ADCY9: variants seen among roughly 807,000 people sequenced by gnomAD.
ADCY9 encodes the protein adenylate cyclase 9.
A neutral mutation model predicts 101.5 loss-of-function variants in ADCY9; 50 were observed. The observed-to-expected ratio is 0.49, with a 90% CI of 0.39 to 0.62. ADCY9 has a LOEUF of 0.62. ADCY9 is among the 20% of genes least tolerant of loss of function. The pLI, the probability that ADCY9 is intolerant of heterozygous loss-of-function variation, is 0.00. For missense variants in ADCY9, 1,662 were observed against 1,800.4 expected (o/e 0.92, Z 1.39); for synonymous variants, 905 against 769.3 (o/e 1.18, Z -2.92).
Position 4,115,614 on chromosome 16 carries a change from G to A in ADCY9, c.-44+76C>T. On this transcript the variant is annotated intron_variant, in intron 1 of 10. Coordinates refer to ENST00000294016, the MANE Select transcript of ADCY9 (RefSeq NM_001116.4). The surrounding 1 kb of genome is among the most constrained non-coding windows in gnomAD (Gnocchi z 6.2). Reference sequence around the variant, plus strand: ...TGGACAGGCACCATCTGTTCCTGTGGTTCCCGGCTCAGCGGTGCTCCCACC... The same window carrying A: ...TGGACAGGCACCATCTGTTCCTGTGATTCCCGGCTCAGCGGTGCTCCCACC... 2 of 792,302 alleles carry A rather than the reference G, an allele frequency of 2.5e-6. No homozygotes were observed. The highest frequency in any genetic ancestry group is 2.0e-5 in the South Asian group (1 of 49,954). The allele number at this position is 792,302 out of a possible 1,614,324, so 49.1% of individuals were successfully genotyped here.
intron 2 of ADCY9, among the ~76,000 whole-genome samples, chr16:4,044,395 G>A (rs1001909088): frequency 2.0e-5 from 3 of 151,816 alleles, no homozygotes; most frequent in Non-Finnish European, 2.9e-5. Context: ...TAAAACACTA[G>A]GTTTATGAAG....
chr16:4,050,713 C>CAAAAAAAA (rs5815192), intron 2 of ADCY9, among the ~76,000 whole-genome samples: 2 of 69,658 alleles, frequency 2.9e-5, no homozygotes, highest in Non-Finnish European at 5.1e-5. Context: ...AACTCCGTCT[C>CAAAAAAAA]AAAAAAAAAA....
In ADCY9 at chr16:4,114,436, G is replaced by A. The variant is rs2057134204; in HGVS notation, c.1007C>T (p.Ser336Phe). The change falls in exon 2 of 11, where the codon TCC (serine) becomes TTC (phenylalanine). Residue 336 changes from serine (S) to phenylalanine (F), a missense_variant. Ser to Phe is a radical substitution (Grantham distance 155). Coordinates refer to ENST00000294016, the MANE Select transcript of ADCY9 (RefSeq NM_001116.4). This position sits in a 1 kb window ranked among gnomAD's most constrained non-coding sequence, Gnocchi z 4.3. ...EKALKERMIH[S>F]VMPRIIADDL... ...ATCGGCTATGATTCTTGGCATCACGGAATGAATCATCCTCTCTTTGAGGGC... is the reference window on the plus strand; with the variant it reads ...ATCGGCTATGATTCTTGGCATCACGAAATGAATCATCCTCTCTTTGAGGGC... 1.2e-6 allele frequency: 2 copies of A among 1,614,018 alleles called. No individual in the cohort carries two copies. The highest frequency in any genetic ancestry group is 1.7e-6 in the Non-Finnish European group (2 of 1,180,048).
At chr16:4,053,643 T>G (rs192137288) in intron 2 of ADCY9, among the ~76,000 whole-genome samples, 4 of 150,718 alleles carry the variant, frequency 2.7e-5, no homozygotes, top group African/African-American at 9.8e-5. Context: ...ATAACATTTT[T>G]AAAAAACTGC....
intron 2 of ADCY9, among the ~76,000 whole-genome samples, chr16:4,109,333 G>A (rs1026890801): frequency 6.6e-6 from 1 of 152,114 alleles, no homozygotes; most frequent in Non-Finnish European, 1.5e-5. Context: ...GGGCTCCAGC[G>A]ATCCTCCTAT....
At chr16:4,060,190 G>T (rs1187093613) in intron 2 of ADCY9, among the ~76,000 whole-genome samples, 2 of 152,236 alleles carry the variant, frequency 1.3e-5, no homozygotes, top group African/African-American at 4.8e-5. Context: ...AGCCTGCAAT[G>T]CCGGTTGTGG....
chr16:3,994,997 AC>A (rs1183278760), intron 3 of ADCY9, among the ~76,000 whole-genome samples: 4 of 152,188 alleles, frequency 2.6e-5, no homozygotes, highest in African/African-American at 9.7e-5. Flanking sequence ...TAATACAGGT[AC>A]CCTAAAAAGA....
chr16:4,054,824 C>T (rs1290852859), intron 2 of ADCY9, among the ~76,000 whole-genome samples: 1 of 152,134 alleles, frequency 6.6e-6, no homozygotes, highest in Non-Finnish European at 1.5e-5. Flanking sequence ...GCCTCGACCT[C>T]CCAAAGTGCT....
intron 6 of ADCY9, 91 bp from the exon 7 acceptor site, chr16:3,983,531 G>A (rs745865593): frequency 4.5e-6 from 5 of 1,109,618 alleles, no homozygotes; most frequent in African/African-American, 3.1e-5. Flanking sequence ...CACGTGCGGA[G>A]CACTGCTGCT....
intron 9 of ADCY9, 103 bp downstream of exon 9, chr16:3,977,379 T>C: frequency 2.1e-6 from 3 of 1,421,492 alleles, no homozygotes; most frequent in Non-Finnish European, 1.9e-6. Context: ...GAAATATCTC[T>C]ATCGGGGCGT....
chr16:4,032,535 G>A (rs1315748212), intron 2 of ADCY9, among the ~76,000 whole-genome samples: 5 of 147,720 alleles, frequency 3.4e-5, no homozygotes. Flanking sequence ...TTGAGATGGA[G>A]TTTTGCTCTT....
chr16:4,096,802 G>C (rs892646095), intron 2 of ADCY9, among the ~76,000 whole-genome samples: 1 of 152,016 alleles, frequency 6.6e-6, no homozygotes, highest in Non-Finnish European at 1.5e-5. Flanking sequence ...CTCCAGGCTA[G>C]AGTGTTAGAA....
intron 5 of ADCY9, among the ~76,000 whole-genome samples, chr16:3,989,328 A>T (rs1433612349): frequency 6.6e-6 from 1 of 151,420 alleles, no homozygotes; most frequent in Non-Finnish European, 1.5e-5. Flanking sequence ...TCGTTAAAGA[A>T]TGACCATCCA....
chr16:3,983,427 G>A lies in ADCY9; in HGVS notation c.2324C>T (p.Ser775Phe), dbSNP rs1367661195. 6.2e-7 allele frequency: 1 copy of A among 1,604,832 alleles called. No homozygotes were observed. The highest frequency in any genetic ancestry group is 2.2e-5 in the East Asian group (1 of 44,530). Residue 775 changes from serine (S) to phenylalanine (F), a missense_variant, in exon 7 of 11, where the codon TCC (serine) becomes TTC (phenylalanine). Around this residue, in one of 5 missense-constraint regions of ADCY9, gnomAD observed 624 missense variants for 639.1 expected, o/e 0.98. Transcript: ENST00000294016. ...GGGACTAGCAAACGTCTTCACGGGG[G>A]AGTTCTTTATGACCTGTGTGGAGCA... Reference protein sequence around the residue: ...TSYQEEVIKNSPVKTFASPTF... With the variant: ...TSYQEEVIKNFPVKTFASPTF...
At chr16:3,954,361 T>C (rs1218709242) in intron 5 of ADCY9, among the ~76,000 whole-genome samples, 3 of 152,188 alleles carry the variant, frequency 2.0e-5, no homozygotes, top group Non-Finnish European at 4.4e-5. Context: ...GGTGGGGCTC[T>C]CTGGGCCCCA....
Position 3,966,148 on chromosome 16 carries a change from T to G in ADCY9, c.3689A>C (p.Asn1230Thr). ...CTTCATCTGGCCTTTCCCCTTGACA[T>G]TCACGGTCCCTCTGTAGTCGAAGTC... Reference protein sequence around the residue: ...GYDFDYRGTVNVKGKGQMKTY... With the variant: ...GYDFDYRGTVTVKGKGQMKTY... The change falls in exon 11 of 11, where the codon AAT (asparagine) becomes ACT (threonine). Residue 1230 changes from asparagine (N) to threonine (T), a missense_variant. By Grantham distance (65) the Asn-to-Thr change is moderately conservative (BLOSUM62 0). Coordinates refer to ENST00000294016, the MANE Select transcript of ADCY9 (RefSeq NM_001116.4). 1 of 1,614,222 alleles carries G rather than the reference T, an allele frequency of 6.2e-7. No individual in the cohort carries two copies. Among genetic ancestry groups the G allele is most frequent in the Non-Finnish European group, 8.5e-7 (1 of 1,180,042 alleles).
At chr16:4,029,876 T>C (rs563457873) in intron 2 of ADCY9, among the ~76,000 whole-genome samples, 4 of 152,152 alleles carry the variant, frequency 2.6e-5, no homozygotes, top group African/African-American at 9.6e-5. Context: ...AGCAGACATA[T>C]GAAAAGACAC....
intron 2 of ADCY9, among the ~76,000 whole-genome samples, chr16:4,024,423 C>A (rs946182717): frequency 6.6e-6 from 1 of 152,176 alleles, no homozygotes; most frequent in African/African-American, 2.4e-5. Context: ...CTTCTCCTAA[C>A]GTGAATGTCT....
intron 2 of ADCY9, among the ~76,000 whole-genome samples, chr16:4,042,858 A>AT (rs2056636616): frequency 6.6e-6 from 1 of 152,204 alleles, no homozygotes; most frequent in African/African-American, 2.4e-5. Context: ...TTGGTCTGCT[A>AT]ACTTATCAAC....
Sources: gnomAD v4.1 joint callset for allele counts (sites outside exome capture counted in the v4.1 genomes callset) on GRCh38, gnomAD v4.1.1 for gene constraint, gnomAD v4.1.1 regional missense constraint, Gnocchi (gnomAD v3.1) non-coding constraint, MANE v1.5 for transcripts, NCBI Gene and HGNC (gene_info 2026-07-23, HGNC 2026-07-21) for gene names.